Variants in CAPN6 observed in about 807,000 individuals in gnomAD.
CAPN6 encodes the protein calpain 6, also known as calpain-6.
In CAPN6, 16 loss-of-function variants were observed where a neutral mutation model predicts 46.0. The observed-to-expected ratio is 0.35, with a 90% confidence interval of 0.24 to 0.53. The LOEUF is 0.53. CAPN6 is among the 20% of genes least tolerant of loss of function. The probability of loss-of-function intolerance (pLI) is 0.94; values close to 1 mark genes in which losing one functional copy is unlikely to be tolerated. For missense variants in CAPN6, 461 were observed against 498.0 expected, an observed-to-expected ratio of 0.93 and a Z score of 0.71; for synonymous variants, 206 against 172.8, an observed-to-expected ratio of 1.19 and a Z score of -1.51.
At chrX:111,256,095 G>A (rs997395368) in intron 2 of CAPN6, among the ~76,000 whole-genome samples, 1 of 111,628 alleles carries the variant, frequency 9.0e-6, no homozygotes, top group African/African-American at 3.3e-5. Flanking sequence ...TGAGCAAGAT[G>A]TCAAAGTATA....
intron 12 of CAPN6, 132 bp from the exon 13 acceptor site, chrX:111,246,891 T>G: frequency 2.0e-6 from 1 of 507,328 alleles, no homozygotes. Flanking sequence ...TGTCCTTTCC[T>G]GATAGCCCAT....
At chrX:111,265,644 C>T (rs1214730550) in intron 1 of CAPN6, among the ~76,000 whole-genome samples, 2 of 112,137 alleles carry the variant, frequency 1.8e-5, no homozygotes, top group African/African-American at 3.2e-5. Context: ...TTCTTGTGTG[C>T]TCAAACTTAC....
intron 2 of CAPN6, among the ~76,000 whole-genome samples, chrX:111,256,102 T>A (rs989162886): frequency 2.7e-5 from 3 of 111,736 alleles, no homozygotes; most frequent in Non-Finnish European, 3.8e-5. Context: ...GATGTCAAAG[T>A]ATAAAATAAT....
At chrX:111,256,941 G>T (rs2094984353) in intron 2 of CAPN6, among the ~76,000 whole-genome samples, 1 of 106,931 alleles carries the variant, frequency 9.4e-6, no homozygotes, top group South Asian at 4.3e-4. Context: ...TTTAACAATA[G>T]ATTTAAAACA....
Position 111,253,145 on chromosome X carries a change from A to G in CAPN6, c.369T>C (p.Phe123=), listed in dbSNP as rs1418898150. The G allele has an allele frequency of 3.3e-6, 4 of 1,209,948 alleles. No individual in the cohort carries two copies. The African/African-American group carries it at 5.2e-5, about 16-fold the overall frequency. Residue 123 remains phenylalanine, a synonymous_variant, in exon 4 of 13, where the codon TTT becomes TTC. Coordinates refer to ENST00000324068, the MANE Select transcript of CAPN6 (RefSeq NM_014289.4). ...TCCATTCTCCAAAATGCCAGAAACG[A>G]AAGTGAAATATCCCAGCGTATTTTT... The part of the protein sequence containing the change: ...KTEKYAGIFH[F]RFWHFGEWTE...
In CAPN6 at chrX:111,252,282, G is replaced by A. The variant is rs17879046; in HGVS notation, c.699+25C>T. The A allele has an allele frequency of 0.02, 23,282 of 1,139,430 alleles. 2,007 individuals carry two copies. In the African/African-American group the frequency reaches 0.3, roughly 15 times the overall value. 93.9% of individuals were successfully genotyped at this position (1,139,430 alleles called of 1,213,427 possible). A position where few individuals can be genotyped will look rare whatever the true frequency, so the allele number is the denominator to read the frequency against. ...CTCTTCTGCCAGGAATGAGTATACAGTGGTTGTTTTTCATGAGTACAAACC... is the reference window on the plus strand; with the variant it reads ...CTCTTCTGCCAGGAATGAGTATACAATGGTTGTTTTTCATGAGTACAAACC... On this transcript the variant is annotated intron_variant, in intron 5 of 12. Transcript: ENST00000324068.
intron 1 of CAPN6, among the ~76,000 whole-genome samples, chrX:111,266,976 C>T (rs1038985354): frequency 8.9e-6 from 1 of 111,818 alleles, no homozygotes; most frequent in Admixed American, 9.4e-5. Context: ...ATCATTTAAA[C>T]ATCAGAATAC....
At position 111,247,057 on chromosome X, in the gene CAPN6, G is replaced by C. The variant is rs747937732; in HGVS notation, c.1744-298C>G. Among the ~76,000 whole-genome samples, 3 of 111,600 alleles carry C rather than the reference G, an allele frequency of 2.7e-5. No homozygotes were observed. The South Asian group carries it at 1.2e-3, about 43-fold the overall frequency. On this transcript the variant is annotated intron_variant, in intron 12 of 12. Coordinates refer to ENST00000324068, the MANE Select transcript of CAPN6 (RefSeq NM_014289.4). ...AACTGCAGTGATTCATCCTGACCTA[G>C]CCATGTGAGGGTCCTCTGAACTGGC...
At chrX:111,259,818 T>C (rs905347760) in intron 2 of CAPN6, among the ~76,000 whole-genome samples, 2 of 111,556 alleles carry the variant, frequency 1.8e-5, no homozygotes, top group African/African-American at 6.5e-5. Context: ...TAGGTAGATA[T>C]GAGTCAGTAA....
At chrX:111,257,497 G>C (rs1042680596) in intron 2 of CAPN6, among the ~76,000 whole-genome samples, 13 of 112,006 alleles carry the variant, frequency 1.2e-4, no homozygotes, top group African/African-American at 4.2e-4. Context: ...AAGGAAGTGA[G>C]GCATTAAAAG....
intron 8 of CAPN6, among the ~76,000 whole-genome samples, chrX:111,250,564 G>A (rs1354581200): frequency 1.8e-5 from 2 of 111,077 alleles, no homozygotes; most frequent in Non-Finnish European, 3.8e-5. Context: ...AGAGAAATGA[G>A]GAAGAATTGA....
intron 1 of CAPN6, among the ~76,000 whole-genome samples, chrX:111,268,675 T>G (rs2094993794): frequency 8.8e-6 from 1 of 113,104 alleles, no homozygotes; most frequent in East Asian, 2.8e-4. Flanking sequence ...CCTCCTTTTT[T>G]GGCTGACTTG....
In CAPN6 at chrX:111,246,507, A is replaced by G; in HGVS notation, c.*70T>C. ...TTCTTTCTAAAGATTGTGAATCTTA[A>G]CTAAGACCTGGCACCTGACGGAAAA... On this transcript the variant is annotated 3_prime_UTR_variant, in exon 13 of 13. Coordinates refer to ENST00000324068, the MANE Select transcript of CAPN6 (RefSeq NM_014289.4). 2 of 888,985 alleles carry G rather than the reference A, an allele frequency of 2.2e-6. No homozygotes were observed. Among genetic ancestry groups the G allele is most frequent in the Non-Finnish European group, 3.2e-6 (2 of 619,832 alleles). 73.3% of individuals were successfully genotyped at this position (888,985 alleles called of 1,213,427 possible). A position where few individuals can be genotyped will look rare whatever the true frequency, so the allele number is the denominator to read the frequency against.
At chrX:111,263,729 T>C (rs1321967933) in intron 2 of CAPN6, 43 bp downstream of exon 2, 4 of 1,113,669 alleles carry the variant, frequency 3.6e-6, no homozygotes, top group South Asian at 2.1e-5. Context: ...AGAAGTATGA[T>C]GAAGGAGGTC....
intron 10 of CAPN6, among the ~76,000 whole-genome samples, chrX:111,248,252 G>T (rs928095220): frequency 8.9e-6 from 1 of 112,084 alleles, no homozygotes; most frequent in African/African-American, 3.2e-5. Flanking sequence ...TAATAGAAGA[G>T]CAGGGAGGAG....
At chrX:111,247,722 A>G in intron 11 of CAPN6, 149 bp downstream of exon 11, 5 of 690,255 alleles carry the variant, frequency 7.2e-6, no homozygotes, top group Non-Finnish European at 8.6e-6. Flanking sequence ...CTTGAAGTTG[A>G]CATCCCATCC....
rs754512849 is a variant in CAPN6 at position 111,249,024 on chromosome X, C to A, written c.1192G>T (p.Val398Phe). The A allele has an allele frequency of 8.3e-6, 10 of 1,209,657 alleles. No individual in the cohort carries two copies. Among genetic ancestry groups the A allele is most frequent in the Non-Finnish European group, 1.0e-5 (9 of 895,051 alleles). Residue 398 changes from valine to phenylalanine, a missense_variant, in exon 9 of 13, where the codon GTC becomes TTC. Transcript: ENST00000324068. ...IFTVPEDGHK[V>F]IMSLQQKDLR... ...TCCTTCTGCTGCAGTGACATAATGA[C>A]CTTGTGCCCATCCTCAGGCACAGTG...
At chrX:111,249,626 T>C (rs1385173556) in intron 8 of CAPN6, among the ~76,000 whole-genome samples, 2 of 110,505 alleles carry the variant, frequency 1.8e-5, no homozygotes, top group African/African-American at 6.6e-5. Context: ...TATTAGGAGA[T>C]AAAACTAAAA....
rs190610170 is a variant in CAPN6, at chrX:111,270,192, A to T, written c.-16+179T>A. On this transcript the variant is annotated intron_variant, in intron 1 of 12. Transcript: ENST00000324068. ...CTCAAAATAACCAACCAAAAATTCC[A>T]TTATTTTTGAAGTTCTCAAACTGCT... is the stretch of plus-strand genomic sequence containing the variant. Among the ~76,000 whole-genome samples the T allele has an allele frequency of 1.6e-3, 180 of 112,187 alleles. 1 individual carries two copies. The highest frequency in any genetic ancestry group is 0.014 in the Middle Eastern group (3 of 217).
Sources: gnomAD v4.1 joint callset for allele counts (sites outside exome capture counted in the v4.1 genomes callset) on GRCh38, gnomAD v4.1.1 for gene constraint, MANE v1.5 for transcripts, NCBI Gene and HGNC (gene_info 2026-07-23, HGNC 2026-07-21) for gene names.